Variants in PCDHGA3 observed in about 807,000 individuals in gnomAD.
PCDHGA3 encodes protocadherin gamma subfamily A, 3.
Under a neutral mutation model 58.5 loss-of-function variants are expected in PCDHGA3, and 40 were observed. That is an observed-to-expected ratio of 0.68 (90% CI 0.53 to 0.89). PCDHGA3 has a LOEUF of 0.89. Among genes scored for constraint, PCDHGA3 ranks in the 40% least tolerant of loss-of-function variants. The pLI is 0.00. For missense variants in PCDHGA3, 1,223 were observed against 1,195.9 expected (o/e 1.02, Z -0.33); for synonymous variants, 530 against 525.7 (o/e 1.01, Z -0.11).
chr5:141,497,919 T>G (rs762168347), intron 2 of PCDHGA3, among the ~76,000 whole-genome samples: 11 of 152,206 alleles, frequency 7.2e-5, no homozygotes, highest in Non-Finnish European at 1.6e-4. Flanking sequence ...TCTCCTTCAT[T>G]CATTCAACAA....
intron 1 of PCDHGA3, chr5:141,366,276 A>G (rs779768182): frequency 1.9e-6 from 3 of 1,613,672 alleles, no homozygotes; most frequent in Non-Finnish European, 2.5e-6. Flanking sequence ...GTCGAAGACC[A>G]TGGCCAGCCC....
chr5:141,419,926 G>A lies in PCDHGA3; in HGVS notation c.2424+73469G>A. 3 of 1,614,096 alleles carry A rather than the reference G, an allele frequency of 1.9e-6. No homozygotes were observed. In the South Asian group the frequency reaches 3.3e-5, roughly 18 times the overall value. On this transcript the variant is annotated intron_variant, in intron 1 of 3. Transcript: ENST00000253812. ...CCTCTGACTCCCAGGCTGAGATGCA[G>A]TTTTACCTGGTGGTGGCCTTGGCCT... is the stretch of plus-strand genomic sequence containing the variant.
At chr5:141,461,617 C>T (rs1297064745) in intron 1 of PCDHGA3, among the ~76,000 whole-genome samples, 1 of 152,090 alleles carries the variant, frequency 6.6e-6, no homozygotes, top group African/African-American at 2.4e-5. Flanking sequence ...AAAGTATTTT[C>T]TAATACACCT....
chr5:141,389,424 G>A lies in PCDHGA3; in HGVS notation c.2424+42967G>A, dbSNP rs746873845. 51 of 1,613,390 alleles carry A rather than the reference G, an allele frequency of 3.2e-5. No homozygotes were observed. Among genetic ancestry groups the A allele is most frequent in the East Asian group, 8.9e-5 (4 of 44,896 alleles). The stretch of plus-strand genomic sequence containing the variant: ...AAGCGCGGAGAGCGGGGTGGTGTTC[G>A]CGCAGCGCGCCTTCGACCACGAGCA... On this transcript the variant is annotated intron_variant, in intron 1 of 3. Transcript: ENST00000253812.
intron 1 of PCDHGA3, among the ~76,000 whole-genome samples, chr5:141,457,906 T>G (rs1272656638): frequency 6.7e-6 from 1 of 150,040 alleles, no homozygotes; most frequent in Admixed American, 6.6e-5. Flanking sequence ...AGACAAGGTG[T>G]GAGGCCAGTT....
intron 1 of PCDHGA3, among the ~76,000 whole-genome samples, chr5:141,482,884 C>A (rs2099574053): frequency 6.6e-6 from 1 of 152,116 alleles, no homozygotes; most frequent in Non-Finnish European, 1.5e-5. Flanking sequence ...CCAGCCTGGC[C>A]AACATGGTGA....
rs1430298222 is a variant in PCDHGA3, at chr5:141,476,741, A to C, written c.2425-18066A>C. ...CGCCCTGGACCGAGAACGGGAGCCTAGTCTCCAGTTAGTGCTGACGGCGTT... is the reference window on the plus strand; with the variant it reads ...CGCCCTGGACCGAGAACGGGAGCCTCGTCTCCAGTTAGTGCTGACGGCGTT... On this transcript the variant is annotated intron_variant, in intron 1 of 3. Coordinates refer to ENST00000253812, the MANE Select transcript of PCDHGA3 (RefSeq NM_018916.4). The surrounding 1 kb of genome is among the most constrained non-coding windows in gnomAD (Gnocchi z 7.6). 1 of 1,613,936 alleles carries C rather than the reference A, an allele frequency of 6.2e-7. No homozygotes were observed. Among genetic ancestry groups the C allele is most frequent in the South Asian group, 1.1e-5 (1 of 91,088 alleles).
chr5:141,474,371 G>A (rs909237592), intron 1 of PCDHGA3, among the ~76,000 whole-genome samples: 1 of 152,180 alleles, frequency 6.6e-6, no homozygotes, highest in African/African-American at 2.4e-5. Flanking sequence ...TAGGTCTAGA[G>A]GAGGGCATTT....
chr5:141,347,464 T>A (rs1179547636), intron 1 of PCDHGA3, among the ~76,000 whole-genome samples: 1 of 152,014 alleles, frequency 6.6e-6, no homozygotes, highest in African/African-American at 2.4e-5. Context: ...CTGTTATTCT[T>A]TTCATCTCAA....
At chr5:141,358,490 C>A (rs552020096) in intron 1 of PCDHGA3, among the ~76,000 whole-genome samples, 3 of 152,260 alleles carry the variant, frequency 2.0e-5, no homozygotes, top group Admixed American at 2.0e-4. Context: ...TTAGATATAA[C>A]TTTAACAGGA....
chr5:141,496,932 T>G (rs1336402833), intron 2 of PCDHGA3, among the ~76,000 whole-genome samples: 1 of 148,964 alleles, frequency 6.7e-6, no homozygotes, highest in Non-Finnish European at 1.5e-5. Context: ...ACGCCTGTAA[T>G]CCCAGCACTT....
rs1358954122 is a variant in PCDHGA3, at chr5:141,491,553, C to T, written c.2425-3254C>T. On this transcript the variant is annotated intron_variant, in intron 1 of 3. Coordinates refer to ENST00000253812, the MANE Select transcript of PCDHGA3 (RefSeq NM_018916.4). This position sits in a 1 kb window ranked among gnomAD's most constrained non-coding sequence, Gnocchi z 6.9. ...CGCTGCGGCCCACAGACTCGCAGAG[C>T]CACTGCTACAGGACGTGCTTTTCAC... The T allele has an allele frequency of 6.2e-7, 1 of 1,613,954 alleles. No homozygotes were observed.
Position 141,476,373 on chromosome 5 carries a change from T to C in PCDHGA3, c.2425-18434T>C. 1 of 1,614,054 alleles carries C rather than the reference T, an allele frequency of 6.2e-7. No individual in the cohort carries two copies. Among genetic ancestry groups the C allele is most frequent in the Non-Finnish European group, 8.5e-7 (1 of 1,180,020 alleles). On this transcript the variant is annotated intron_variant, in intron 1 of 3. Transcript: ENST00000253812. This position sits in a 1 kb window ranked among gnomAD's most constrained non-coding sequence, Gnocchi z 7.6. ...GAGGTGAACCGGGAGACCGGAGAGA[T>C]GTTTGTGAACGACCGTCTGGATCGA...
chr5:141,365,633 G>A (rs920081153), intron 1 of PCDHGA3: 2 of 1,613,410 alleles, frequency 1.2e-6, no homozygotes, highest in Non-Finnish European at 1.7e-6. Context: ...CCTCTCTACA[G>A]AAAGCCACAT....
chr5:141,350,980 C>T, intron 1 of PCDHGA3: 19 of 1,614,060 alleles, frequency 1.2e-5, no homozygotes, highest in Non-Finnish European at 1.5e-5. Flanking sequence ...CCGTGTTTAG[C>T]CAGGAGGTAT....
intron 1 of PCDHGA3, among the ~76,000 whole-genome samples, chr5:141,445,929 A>G (rs1388363296): frequency 6.6e-6 from 1 of 152,208 alleles, no homozygotes; most frequent in Non-Finnish European, 1.5e-5. Context: ...AAGATATTTG[A>G]ATTATTAAGC....
intron 1 of PCDHGA3, chr5:141,417,732 C>G (rs2096153715): frequency 4.3e-6 from 6 of 1,390,462 alleles, no homozygotes; most frequent in Non-Finnish European, 3.8e-6. Flanking sequence ...AGACCTTGCC[C>G]AGCACACCAG....
chr5:141,426,276 C>A, intron 1 of PCDHGA3: 1 of 164,340 alleles, frequency 6.1e-6, no homozygotes, highest in South Asian at 1.6e-4. Context: ...TGCAGCAACG[C>A]ATGGGAAGGA....
intron 1 of PCDHGA3, among the ~76,000 whole-genome samples, chr5:141,444,982 A>G (rs10066383): frequency 7.1e-4 from 108 of 152,272 alleles, no homozygotes; most frequent in African/African-American, 2.5e-3. Flanking sequence ...ATCCATGAAC[A>G]TGGTATATAT....
Sources: allele counts gnomAD v4.1 joint callset (sites outside exome capture counted in the v4.1 genomes callset), GRCh38; gene constraint gnomAD v4.1.1; non-coding constraint Gnocchi (gnomAD v3.1); transcripts MANE v1.5; gene names NCBI Gene and HGNC (gene_info 2026-07-23, HGNC 2026-07-21).